The following B4GALNT3 variants were observed in gnomAD, a reference collection of about 807,000 sequenced individuals.
The protein encoded by B4GALNT3 is beta-1,4-N-acetylgalactosaminyltransferase 3.
In B4GALNT3, 86 loss-of-function variants were observed where a neutral mutation model predicts 120.2. The observed-to-expected ratio is 0.72, with a 90% CI of 0.60 to 0.86. B4GALNT3 has a LOEUF of 0.86. Ranked by LOEUF, B4GALNT3 falls within the 40% of genes least tolerant of loss-of-function variation. The pLI is 0.00. For missense variants in B4GALNT3, 1,167 were observed against 1,298.9 expected (o/e 0.90, Z 1.56); for synonymous variants, 518 against 510.4 (o/e 1.01, Z -0.20).
At chr12:534,683 C>T (rs1946840778) in intron 1 of B4GALNT3, among the ~76,000 whole-genome samples, 1 of 152,232 alleles carries the variant, frequency 6.6e-6, no homozygotes, top group Admixed American at 6.5e-5. Context: ...TTTCCTGCCT[C>T]TCTCAGCTCC....
At chr12:532,407 G>A (rs542850835) in intron 1 of B4GALNT3, among the ~76,000 whole-genome samples, 2 of 152,368 alleles carry the variant, frequency 1.3e-5, no homozygotes, top group African/African-American at 2.4e-5. Context: ...CTAGTTACAG[G>A]TCGTGAAGAT....
intron 1 of B4GALNT3, among the ~76,000 whole-genome samples, chr12:504,010 G>A (rs2120547220): frequency 6.6e-6 from 1 of 152,116 alleles, no homozygotes; most frequent in South Asian, 2.1e-4. Flanking sequence ...AGCTACTTGG[G>A]AAGCTGAGGC....
chr12:533,369 C>T (rs776222313), intron 1 of B4GALNT3, among the ~76,000 whole-genome samples: 4 of 152,226 alleles, frequency 2.6e-5, no homozygotes, highest in Non-Finnish European at 4.4e-5. Flanking sequence ...GCCCTGAACT[C>T]GCCAGACCTC....
chr12:529,653 A>T (rs1946788380), intron 1 of B4GALNT3, among the ~76,000 whole-genome samples: 1 of 152,270 alleles, frequency 6.6e-6, no homozygotes, highest in Admixed American at 6.5e-5. Context: ...AACTCTTAGC[A>T]TAGTGCCTTG....
At chr12:530,247 G>T (rs1238000297) in intron 1 of B4GALNT3, among the ~76,000 whole-genome samples, 5 of 152,274 alleles carry the variant, frequency 3.3e-5, no homozygotes, top group African/African-American at 4.8e-5. Flanking sequence ...GTGAGCCATG[G>T]CCCTGGCGTG....
chr12:485,998 A>G (rs1023120020), intron 1 of B4GALNT3, among the ~76,000 whole-genome samples: 3 of 152,160 alleles, frequency 2.0e-5, no homozygotes, highest in Non-Finnish European at 4.4e-5. Flanking sequence ...CTAGGCAGGA[A>G]AACCTAAACT....
At position 550,806 on chromosome 12, in the gene B4GALNT3, C is replaced by T. The variant is rs989716141; in HGVS notation, c.998-116C>T. The stretch of plus-strand genomic sequence containing the variant: ...AGCTGGCAGCCTCAGCCACAGACGT[C>T]GGCAGAACACAGCTGCCGCTTGCGA... On this transcript the variant is annotated intron_variant, in intron 10 of 19. Coordinates refer to ENST00000266383, the MANE Select transcript of B4GALNT3 (RefSeq NM_173593.4). The surrounding 1 kb of genome is among the most constrained non-coding windows in gnomAD (Gnocchi z 4.1). 2.8e-5 allele frequency: 23 copies of T among 827,022 alleles called. No homozygotes were observed. The highest frequency in any genetic ancestry group is 2.1e-4 in the Admixed American group (8 of 37,966). 51.2% of individuals were successfully genotyped at this position (827,022 alleles called of 1,614,324 possible).
intron 3 of B4GALNT3, among the ~76,000 whole-genome samples, chr12:541,252 G>T (rs370934546): frequency 1.9e-3 from 284 of 152,338 alleles, no homozygotes; most frequent in African/African-American, 6.7e-3. Context: ...AGGGTTACTT[G>T]CTGTGTGTCC....
intron 1 of B4GALNT3, among the ~76,000 whole-genome samples, chr12:462,390 G>A (rs1946030322): frequency 6.7e-6 from 1 of 148,648 alleles, no homozygotes; most frequent in Non-Finnish European, 1.5e-5. Context: ...CCCAAACCTG[G>A]ATCTAGTTTG....
At chr12:555,336 G>T in intron 14 of B4GALNT3, 1 of 456,894 alleles carries the variant, frequency 2.2e-6, no homozygotes, top group Non-Finnish European at 4.4e-6. Context: ...ATGGAACCAT[G>T]TAATGTGTGG....
chr12:553,684 G>A lies in B4GALNT3; in HGVS notation c.1761G>A (p.Trp587Ter), dbSNP rs745509843. The A allele has an allele frequency of 9.3e-6, 15 of 1,614,010 alleles. No individual in the cohort carries two copies. In the Admixed American group the frequency reaches 1.5e-4, roughly 16 times the overall value. The stretch of plus-strand genomic sequence containing the variant: ...GGCCTCAGGCCCCTGGAAGGGGCTG[G>A]CATGGGGAGGAGGAAGTGGTGGCGG... ...RMRPQAPGRGWHGEEEVVAAA... is the reference protein window; with the variant it reads ...RMRPQAPGRG The change falls in exon 14 of 20, where the codon TGG (tryptophan) becomes TGA (stop). Residue 587 changes from tryptophan (W) to a stop codon, truncating the protein, a stop_gained. Coordinates refer to ENST00000266383, the MANE Select transcript of B4GALNT3 (RefSeq NM_173593.4). LOFTEE classifies it high-confidence loss of function.
At chr12:526,677 T>C (rs1453387250) in intron 1 of B4GALNT3, among the ~76,000 whole-genome samples, 6 of 152,084 alleles carry the variant, frequency 3.9e-5, no homozygotes, top group African/African-American at 1.5e-4. Flanking sequence ...GGTGTTTGTT[T>C]GTTTGTTTGT....
chr12:502,775 GA>G (rs1470854618), intron 1 of B4GALNT3, among the ~76,000 whole-genome samples: 1 of 152,028 alleles, frequency 6.6e-6, no homozygotes, highest in Non-Finnish European at 1.5e-5. Context: ...GTCTTTTTGA[GA>G]GGGTGTCTTG....
chr12:517,321 T>C (rs1217732842), intron 1 of B4GALNT3, among the ~76,000 whole-genome samples: 1 of 152,020 alleles, frequency 6.6e-6, no homozygotes, highest in South Asian at 2.1e-4. Flanking sequence ...GGATAAGGAG[T>C]AGCCCATGGG....
chr12:521,131 T>C (rs1946705052), intron 1 of B4GALNT3, among the ~76,000 whole-genome samples: 1 of 152,116 alleles, frequency 6.6e-6, no homozygotes, highest in Admixed American at 6.5e-5. Flanking sequence ...ACAGGGAAGA[T>C]TCAGAACATC....
At chr12:497,037 G>A (rs1946395700) in intron 1 of B4GALNT3, among the ~76,000 whole-genome samples, 1 of 152,170 alleles carries the variant, frequency 6.6e-6, no homozygotes, top group African/African-American at 2.4e-5. Context: ...TTCTTGCTGT[G>A]TTTCTCAGGC....
chr12:558,853 G>A (rs1431710461), intron 18 of B4GALNT3, among the ~76,000 whole-genome samples, 192 bp downstream of exon 18: 1 of 151,808 alleles, frequency 6.6e-6, no homozygotes, highest in East Asian at 1.9e-4. Context: ...AGCCACAGCA[G>A]CAGGTGCAGC....
intron 1 of B4GALNT3, among the ~76,000 whole-genome samples, chr12:476,632 T>C (rs1946188492): frequency 6.6e-6 from 1 of 152,212 alleles, no homozygotes; most frequent in Non-Finnish European, 1.5e-5. Context: ...AATGCTTATC[T>C]GAGCGCCTAG....
Position 496,712 on chromosome 12 carries a change from C to A in B4GALNT3, c.169+36167C>A, listed in dbSNP as rs80057749. On this transcript the variant is annotated intron_variant, in intron 1 of 19. Coordinates refer to ENST00000266383, the MANE Select transcript of B4GALNT3 (RefSeq NM_173593.4). ...ATATTTCCGTCACCCCTAAAGGAGA[C>A]TCTGCCCATGCGCGTTAAGCAGTCA... Among the ~76,000 whole-genome samples, 3 of 152,212 alleles carry A rather than the reference C, an allele frequency of 2.0e-5. No individual in the cohort carries two copies. The East Asian group carries it at 5.8e-4, about 29-fold the overall frequency.
Sources: allele counts gnomAD v4.1 joint callset (sites outside exome capture counted in the v4.1 genomes callset), GRCh38; gene constraint gnomAD v4.1.1; non-coding constraint Gnocchi (gnomAD v3.1); transcripts MANE v1.5; gene names NCBI Gene and HGNC (gene_info 2026-07-23, HGNC 2026-07-21).